SIAH3: variants seen among roughly 807,000 people sequenced by gnomAD.
SIAH3 encodes the protein siah E3 ubiquitin protein ligase family member 3.
A neutral mutation model predicts 12.6 loss-of-function variants in SIAH3; 9 were observed. The observed-to-expected ratio is 0.72, with a 90% confidence interval of 0.43 to 1.25. The LOEUF (loss-of-function observed/expected upper bound fraction) is 1.25. Among genes scored for constraint, SIAH3 ranks in the 50% most tolerant of loss-of-function variants. SIAH3 has a pLI of 0.00. For missense variants in SIAH3, 390 were observed against 365.4 expected, an observed-to-expected ratio of 1.07 and a Z score of -0.55; for synonymous variants, 154 against 151.1, an observed-to-expected ratio of 1.02 and a Z score of -0.14.
intron 1 of SIAH3, among the ~76,000 whole-genome samples, chr13:45,839,874 C>T (rs1404366196): frequency 1.3e-5 from 2 of 152,068 alleles, no homozygotes; most frequent in African/African-American, 2.4e-5. Flanking sequence ...TTTTACCAAG[C>T]CTGAATTTGG....
chr13:45,812,638 T>C (rs1234527205), intron 1 of SIAH3, among the ~76,000 whole-genome samples: 1 of 152,156 alleles, frequency 6.6e-6, no homozygotes, highest in Non-Finnish European at 1.5e-5. Context: ...TTTCCTGTGA[T>C]GCATATGGGT....
intron 1 of SIAH3, among the ~76,000 whole-genome samples, chr13:45,826,087 T>C (rs1017864065): frequency 6.6e-6 from 1 of 152,236 alleles, no homozygotes; most frequent in East Asian, 1.9e-4. Context: ...AGATGTGAGC[T>C]CTTGTGACAC....
chr13:45,818,443 T>G (rs2137568710), intron 1 of SIAH3, among the ~76,000 whole-genome samples: 1 of 152,328 alleles, frequency 6.6e-6, no homozygotes, highest in Non-Finnish European at 1.5e-5. Context: ...CTTGGTGGCA[T>G]AAAAAACAGA....
intron 1 of SIAH3, among the ~76,000 whole-genome samples, chr13:45,798,661 C>G (rs996164643): frequency 4.6e-5 from 7 of 152,202 alleles, no homozygotes; most frequent in African/African-American, 1.7e-4. Flanking sequence ...CTAACTGTAA[C>G]CAGTCTAATC....
At chr13:45,819,368 A>G (rs938948559) in intron 1 of SIAH3, among the ~76,000 whole-genome samples, 2 of 152,212 alleles carry the variant, frequency 1.3e-5, no homozygotes, top group Non-Finnish European at 2.9e-5. Context: ...GTGTGCACCC[A>G]TTCACAGAGC....
chr13:45,847,996 G>A (rs1427080265), intron 1 of SIAH3, among the ~76,000 whole-genome samples: 1 of 152,100 alleles, frequency 6.6e-6, no homozygotes, highest in Non-Finnish European at 1.5e-5. Flanking sequence ...CCCAGGGCAG[G>A]GCGCTGTAGA....
At chr13:45,831,392 G>A (rs1282408061) in intron 1 of SIAH3, among the ~76,000 whole-genome samples, 1 of 152,074 alleles carries the variant, frequency 6.6e-6, no homozygotes, top group Non-Finnish European at 1.5e-5. Context: ...TTCAGCAGAA[G>A]GGGGTCATGC....
At chr13:45,822,520 AATATATATATATAT>A (rs36106322) in intron 1 of SIAH3, among the ~76,000 whole-genome samples, 1,534 of 85,412 alleles carry the variant, frequency 0.018, 89 homozygotes, top group African/African-American at 0.062. Context: ...TTCATTATCA[AATATATATATATAT>A]ATATATATAT....
intron 1 of SIAH3, among the ~76,000 whole-genome samples, chr13:45,792,316 G>T (rs1020120781): frequency 6.6e-6 from 1 of 151,968 alleles, no homozygotes; most frequent in Non-Finnish European, 1.5e-5. Context: ...GAGACAGGTT[G>T]CTACCAGGGA....
In SIAH3 at chr13:45,797,429, T is replaced by A. The variant is rs565529424; in HGVS notation, c.136-13372A>T. 1.8e-4 allele frequency among the ~76,000 whole-genome samples: 27 copies of A among 152,294 alleles called. No individual in the cohort carries two copies. The Middle Eastern group carries it at 0.01, about 58-fold the overall frequency. On this transcript the variant is annotated intron_variant, in intron 1 of 1. Transcript: ENST00000400405. ...TGCATTTCCCCATCCTCTAAGGGGATGTTGTAGAAGGGAAGGTACATGCAC... is the reference window on the plus strand; with the variant it reads ...TGCATTTCCCCATCCTCTAAGGGGAAGTTGTAGAAGGGAAGGTACATGCAC...
At chr13:45,843,378 A>G (rs572228022) in intron 1 of SIAH3, among the ~76,000 whole-genome samples, 1 of 152,256 alleles carries the variant, frequency 6.6e-6, no homozygotes, top group East Asian at 1.9e-4. Flanking sequence ...ATACTCTTCG[A>G]ATCAGATACC....
chr13:45,805,954 A>G (rs1170661243), intron 1 of SIAH3, among the ~76,000 whole-genome samples: 2 of 152,244 alleles, frequency 1.3e-5, no homozygotes, highest in African/African-American at 2.4e-5. Flanking sequence ...CATGTGACAT[A>G]CAAATATATG....
In SIAH3 at chr13:45,783,400, A is replaced by G. The variant is rs1950512658; in HGVS notation, c.793T>C (p.Ser265Pro). The G allele has an allele frequency of 6.2e-7, 1 of 1,610,286 alleles. No individual in the cohort carries two copies. The highest frequency in any genetic ancestry group is 1.1e-5 in the South Asian group (1 of 90,914). The change falls in exon 2 of 2, where the codon TCA (serine) becomes CCA (proline). Residue 265 changes from serine (S) to proline (P), a missense_variant. Transcript: ENST00000400405. The stretch of plus-strand genomic sequence containing the variant: ...TCCTGGCCTCACATTTCAGCTTCTG[A>G]GGGGAGGACCTCTGTCGCGGTGATG... ...IAITATEVLPSEAEM is the reference protein window; with the variant it reads ...IAITATEVLPPEAEM
intron 1 of SIAH3, among the ~76,000 whole-genome samples, chr13:45,798,162 A>G (rs916539706): frequency 6.6e-6 from 1 of 152,198 alleles, no homozygotes; most frequent in Non-Finnish European, 1.5e-5. Context: ...TTTTATGGCT[A>G]CTCGTAATTC....
chr13:45,846,931 T>A (rs1183444366), intron 1 of SIAH3, among the ~76,000 whole-genome samples: 4 of 152,230 alleles, frequency 2.6e-5, no homozygotes, highest in African/African-American at 4.8e-5. Context: ...GCCGCACGAA[T>A]GCTCTGAGCC....
chr13:45,829,162 G>A (rs1950689678), intron 1 of SIAH3, among the ~76,000 whole-genome samples: 1 of 152,212 alleles, frequency 6.6e-6, no homozygotes, highest in Non-Finnish European at 1.5e-5. Flanking sequence ...CAAAGGATCA[G>A]TAACTTGGCT....
chr13:45,784,128 T>A (rs1312132668), intron 1 of SIAH3, 71 bp from the exon 2 acceptor site: 36 of 1,412,524 alleles, frequency 2.5e-5, no homozygotes, highest in Non-Finnish European at 3.2e-5. Context: ...CCCCTGATGT[T>A]CAAAGTGTTA....
intron 1 of SIAH3, among the ~76,000 whole-genome samples, chr13:45,815,510 T>G (rs895185153): frequency 6.6e-6 from 1 of 152,188 alleles, no homozygotes; most frequent in African/African-American, 2.4e-5. Flanking sequence ...TTTCTTAAAA[T>G]AAATCTCTCT....
intron 1 of SIAH3, among the ~76,000 whole-genome samples, chr13:45,803,091 A>G (rs1950587763): frequency 6.6e-6 from 1 of 150,922 alleles, no homozygotes; most frequent in African/African-American, 2.4e-5. Flanking sequence ...AGGCAGCCGC[A>G]GACTAGAAAG....
Sources: allele counts gnomAD v4.1 joint callset (sites outside exome capture counted in the v4.1 genomes callset), GRCh38; gene constraint gnomAD v4.1.1; transcripts MANE v1.5; gene names NCBI Gene and HGNC (gene_info 2026-07-23, HGNC 2026-07-21).